Variants in ADAMTS2 observed in about 807,000 individuals in gnomAD.
ADAMTS2 encodes the protein A disintegrin and metalloproteinase with thrombospondin motifs 2.
In ADAMTS2, 50 loss-of-function variants were observed where a neutral mutation model predicts 123.0. The observed-to-expected ratio is 0.41, with a 90% CI of 0.32 to 0.51. The LOEUF (loss-of-function observed/expected upper bound fraction) is 0.51. Ranked by LOEUF, ADAMTS2 falls within the 20% of genes least tolerant of loss-of-function variation. ADAMTS2 has a pLI of 0.35. For synonymous variants in ADAMTS2, 678 were observed against 695.4 expected (o/e 0.98, Z 0.39); for missense variants, 1,494 against 1,705.2 (o/e 0.88, Z 2.18).
chr5:179,257,714 C>T (rs1766100479), intron 3 of ADAMTS2, among the ~76,000 whole-genome samples: 2 of 152,218 alleles, frequency 1.3e-5, no homozygotes, highest in South Asian at 2.1e-4. Context: ...CTCTGAAGTA[C>T]ATTTCAACTC....
chr5:179,284,260 CTGAGGTTGCAG>C (rs1332003932), intron 2 of ADAMTS2, among the ~76,000 whole-genome samples: 2 of 150,838 alleles, frequency 1.3e-5, no homozygotes, highest in Non-Finnish European at 2.9e-5. Flanking sequence ...ACCCAGGAGG[CTGAGGTTGCAG>C]TGAGCCGAGA....
chr5:179,330,019 G>A (rs892262814), intron 2 of ADAMTS2, among the ~76,000 whole-genome samples: 5 of 151,538 alleles, frequency 3.3e-5, no homozygotes, highest in East Asian at 3.9e-4. Flanking sequence ...CCAGCTACTC[G>A]GGAGGCTGAG....
chr5:179,128,108 A>T lies in ADAMTS2; in HGVS notation c.2468T>A (p.Val823Glu). The T allele has an allele frequency of 1.2e-6, 2 of 1,613,452 alleles. No homozygotes were observed. Among genetic ancestry groups the T allele is most frequent in the Non-Finnish European group, 1.7e-6 (2 of 1,179,988 alleles). The change falls in exon 17 of 22, where the codon GTG becomes GAG. Residue 823 changes from valine to glutamate, a missense_variant. Val to Glu is a moderately radical substitution (Grantham distance 121, BLOSUM62 -2). Around this residue, in one of 6 missense-constraint regions of ADAMTS2, gnomAD observed 953 missense variants for 1,124.7 expected, o/e 0.85. Transcript: ENST00000251582. The surrounding 1 kb of genome is among the most constrained non-coding windows in gnomAD (Gnocchi z 4.9). ...CGTCAGTGAGACCCGGGTGTCTCCC[A>T]CCGGGATGACCTGTGCCAGCCCAAG... Reference protein sequence around the residue: ...HGTITVLVIPVGDTRVSLTYK... With the variant: ...HGTITVLVIPEGDTRVSLTYK...
At chr5:179,267,536 A>G (rs1766407631) in intron 3 of ADAMTS2, among the ~76,000 whole-genome samples, 1 of 152,196 alleles carries the variant, frequency 6.6e-6, no homozygotes, top group African/African-American at 2.4e-5. Context: ...GCCTGGTAGC[A>G]GTTCCCCAGG....
chr5:179,152,324 C>T (rs1763377246), intron 9 of ADAMTS2, 69 bp from the exon 10 acceptor site: 1 of 1,484,324 alleles, frequency 6.7e-7, no homozygotes, highest in South Asian at 1.2e-5. Context: ...GCCACCCACC[C>T]CCGGGTTCTG....
rs1044147017 is a variant in ADAMTS2 at position 179,234,062 on chromosome 5, C to T, written c.689-26347G>A. On this transcript the variant is annotated intron_variant, in intron 3 of 21. Transcript: ENST00000251582. The surrounding 1 kb of genome is among the most constrained non-coding windows in gnomAD (Gnocchi z 4.7). ...GGACCCCGACTGCCAGGCCCTTCCA[C>T]AGCCCGACTCCCCGTGGACTCTGCA... Among the ~76,000 whole-genome samples, 3 of 152,202 alleles carry T rather than the reference C, an allele frequency of 2.0e-5. No homozygotes were observed. Among genetic ancestry groups the T allele is most frequent in the Non-Finnish European group, 4.4e-5 (3 of 68,022 alleles).
At chr5:179,182,714 G>A (rs1421888655) in intron 4 of ADAMTS2, among the ~76,000 whole-genome samples, 1 of 152,154 alleles carries the variant, frequency 6.6e-6, no homozygotes, top group African/African-American at 2.4e-5. Flanking sequence ...GATTGTAAAT[G>A]GGCTCCCCAC....
intron 9 of ADAMTS2, among the ~76,000 whole-genome samples, chr5:179,153,266 C>T (rs767299647): frequency 3.3e-5 from 5 of 152,030 alleles, no homozygotes; most frequent in African/African-American, 7.2e-5. Context: ...ACAGTCCTGT[C>T]CCCCGTGTGC....
intron 5 of ADAMTS2, among the ~76,000 whole-genome samples, chr5:179,179,475 T>C (rs1764000188): frequency 6.6e-6 from 1 of 152,214 alleles, no homozygotes; most frequent in Admixed American, 6.5e-5. Flanking sequence ...TTTTTTTCTG[T>C]AGGGCAAGGG....
intron 3 of ADAMTS2, among the ~76,000 whole-genome samples, chr5:179,229,306 CG>C (rs1765355454): frequency 6.9e-6 from 1 of 144,500 alleles, no homozygotes; most frequent in African/African-American, 2.6e-5. Flanking sequence ...TCCACAAACA[CG>C]AGACCCCGCT....
chr5:179,284,242 T>C (rs1182780496), intron 2 of ADAMTS2, among the ~76,000 whole-genome samples: 1 of 150,296 alleles, frequency 6.7e-6, no homozygotes, highest in African/African-American at 2.4e-5. Flanking sequence ...GGCAGGAGAA[T>C]TGCTTGAACC....
chr5:179,267,114 G>A (rs1318201525), intron 3 of ADAMTS2, among the ~76,000 whole-genome samples: 1 of 152,040 alleles, frequency 6.6e-6, no homozygotes, highest in Non-Finnish European at 1.5e-5. Flanking sequence ...CCTGAGGTCC[G>A]CCCCCACCCC....
At chr5:179,192,283 AT>A (rs1194281408) in intron 4 of ADAMTS2, among the ~76,000 whole-genome samples, 1 of 152,242 alleles carries the variant, frequency 6.6e-6, no homozygotes, top group African/African-American at 2.4e-5. Context: ...AGGGTCCTGC[AT>A]TACAAGCTCA....
rs370799965 is a variant in ADAMTS2 at position 179,135,942 on chromosome 5, G to A, written c.2052C>T (p.Asp684=). 45 of 1,613,262 alleles carry A rather than the reference G, an allele frequency of 2.8e-5. No homozygotes were observed. The highest frequency in any genetic ancestry group is 2.3e-4 in the African/African-American group (17 of 75,044). The change falls in exon 13 of 22, where the codon GAC becomes GAT. Residue 684 remains aspartate, a synonymous_variant. Transcript: ENST00000251582. ...VHDGTRCSYK[D]AFSLCVRGDC... ...CCCCGCGCACACAGAGGCTGAAGGC[G>A]TCCTTGTAGGAGCAGCGCGTCCCGT...
chr5:179,233,416 C>T (rs1765456619), intron 3 of ADAMTS2, among the ~76,000 whole-genome samples: 1 of 151,184 alleles, frequency 6.6e-6, no homozygotes, highest in Non-Finnish European at 1.5e-5. Flanking sequence ...CATGGTGGCT[C>T]ACGCCTGTAA....
rs113486931 is a variant in ADAMTS2, at chr5:179,130,347, G to A, written c.2291-249C>T. 7.9e-5 allele frequency among the ~76,000 whole-genome samples: 12 copies of A among 152,240 alleles called. No homozygotes were observed. The highest frequency in any genetic ancestry group is 2.9e-4 in the African/African-American group (12 of 41,532). On this transcript the variant is annotated intron_variant, in intron 15 of 21. Coordinates refer to ENST00000251582, the MANE Select transcript of ADAMTS2 (RefSeq NM_014244.5). This position sits in a 1 kb window ranked among gnomAD's most constrained non-coding sequence, Gnocchi z 4.3. ...TGCCCCCACCAGCCCTGGAGGTGCC[G>A]GCTCCCCTTGGAAGCCACTCAGTAG...
chr5:179,237,612 G>A (rs1293461175), intron 3 of ADAMTS2, among the ~76,000 whole-genome samples: 1 of 152,164 alleles, frequency 6.6e-6, no homozygotes, highest in African/African-American at 2.4e-5. Flanking sequence ...TGGGAGGCTG[G>A]GGGAGATGAG....
intron 10 of ADAMTS2, among the ~76,000 whole-genome samples, chr5:179,141,628 C>T (rs1763172011): frequency 6.6e-6 from 1 of 152,044 alleles, no homozygotes; most frequent in African/African-American, 2.4e-5. Context: ...GGCATTGGAG[C>T]CACAGCCCTC....
intron 17 of ADAMTS2, 97 bp from the exon 18 acceptor site, chr5:179,126,227 T>G: frequency 6.5e-7 from 1 of 1,537,632 alleles, no homozygotes; most frequent in East Asian, 2.3e-5. Context: ...GGCCTCGTTT[T>G]CCTGCTCACC....
Sources: gnomAD v4.1 joint callset for allele counts (sites outside exome capture counted in the v4.1 genomes callset) on GRCh38, gnomAD v4.1.1 for gene constraint, gnomAD v4.1.1 regional missense constraint, Gnocchi (gnomAD v3.1) non-coding constraint, MANE v1.5 for transcripts, NCBI Gene and HGNC (gene_info 2026-07-23, HGNC 2026-07-21) for gene names.